Variants in GLI3 observed in about 807,000 individuals in gnomAD.
The protein encoded by GLI3 is GLI family zinc finger 3.
In GLI3, 20 loss-of-function variants were observed where a neutral mutation model predicts 100.8. That is an observed-to-expected ratio of 0.20 (90% CI 0.14 to 0.29). GLI3 has a LOEUF of 0.29. GLI3 is among the 10% of genes least tolerant of loss of function. The pLI is 1.00. For missense variants in GLI3, 2,040 were observed against 2,128.5 expected, an observed-to-expected ratio of 0.96 and a Z score of 0.82; for synonymous variants, 938 against 860.5, an observed-to-expected ratio of 1.09 and a Z score of -1.58.
At chr7:42,178,645 G>C (rs1787529518) in intron 2 of GLI3, among the ~76,000 whole-genome samples, 1 of 152,192 alleles carries the variant, frequency 6.6e-6, no homozygotes, top group Non-Finnish European at 1.5e-5. Context: ...CTAGTAGCTA[G>C]ACCCTGGTCT....
chr7:42,015,435 G>A (rs1337193185), intron 10 of GLI3, among the ~76,000 whole-genome samples: 1 of 151,938 alleles, frequency 6.6e-6, no homozygotes, highest in African/African-American at 2.4e-5. Context: ...GGTAGTATTT[G>A]GCTAATCCCA....
chr7:42,204,075 G>A (rs1244939722), intron 2 of GLI3, among the ~76,000 whole-genome samples: 5 of 151,796 alleles, frequency 3.3e-5, no homozygotes, highest in Admixed American at 1.3e-4. Flanking sequence ...CACTAGGGCC[G>A]AAGGGTAGTT....
intron 2 of GLI3, among the ~76,000 whole-genome samples, chr7:42,221,702 C>A (rs1413418206): frequency 6.6e-6 from 1 of 152,170 alleles, no homozygotes; most frequent in East Asian, 1.9e-4. Context: ...TATACTGATT[C>A]TATTTCTGAA....
chr7:42,171,379 A>G (rs1787369981), intron 2 of GLI3, among the ~76,000 whole-genome samples: 1 of 152,248 alleles, frequency 6.6e-6, no homozygotes, highest in African/African-American at 2.4e-5. Context: ...AGCAAATTAA[A>G]AAGAATTTCC....
chr7:42,081,670 T>C (rs1468519238), intron 3 of GLI3, among the ~76,000 whole-genome samples: 1 of 152,154 alleles, frequency 6.6e-6, no homozygotes, highest in Non-Finnish European at 1.5e-5. Context: ...AGTTGCATCC[T>C]TCTCCCAAGA....
intron 3 of GLI3, among the ~76,000 whole-genome samples, chr7:42,135,763 C>A (rs1000467030): frequency 3.3e-5 from 5 of 152,188 alleles, no homozygotes; most frequent in African/African-American, 1.2e-4. Context: ...GCTTAAGATT[C>A]TTTTAGTTTA....
At chr7:42,210,749 CTGT>C (rs540129068) in intron 2 of GLI3, among the ~76,000 whole-genome samples, 212 of 152,206 alleles carry the variant, frequency 1.4e-3, no homozygotes, top group African/African-American at 4.3e-3. Flanking sequence ...TCCTTACAAT[CTGT>C]TGTTGTTGAA....
chr7:42,067,678 C>G (rs1436627112), intron 4 of GLI3, among the ~76,000 whole-genome samples: 1 of 152,104 alleles, frequency 6.6e-6, no homozygotes, highest in Non-Finnish European at 1.5e-5. Context: ...GCTACCTAGG[C>G]CATACTAGAC....
intron 4 of GLI3, among the ~76,000 whole-genome samples, chr7:42,059,242 C>A (rs577221195): frequency 6.6e-6 from 1 of 152,014 alleles, no homozygotes; most frequent in South Asian, 2.1e-4. Flanking sequence ...ATTATTTTAG[C>A]AGACTTTTTT....
chr7:42,231,718 CT>C (rs1383511725), intron 1 of GLI3, among the ~76,000 whole-genome samples: 1 of 152,160 alleles, frequency 6.6e-6, no homozygotes. Flanking sequence ...CTGAATCATT[CT>C]TTTTAAAAAT....
intron 1 of GLI3, among the ~76,000 whole-genome samples, chr7:42,231,640 G>C (rs1453125531): frequency 6.6e-6 from 1 of 152,204 alleles, no homozygotes; most frequent in East Asian, 1.9e-4. Context: ...CCATACATCA[G>C]AGTCATTAAG....
At chr7:41,991,276 T>C (rs1227193130) in intron 10 of GLI3, among the ~76,000 whole-genome samples, 3 of 152,164 alleles carry the variant, frequency 2.0e-5, no homozygotes, top group African/African-American at 7.2e-5. Context: ...CCCCACATCA[T>C]AGAAAACTAG....
intron 6 of GLI3, among the ~76,000 whole-genome samples, chr7:42,043,799 G>T (rs993325254): frequency 6.6e-6 from 1 of 152,074 alleles, no homozygotes; most frequent in African/African-American, 2.4e-5. Context: ...AAGTAATGCG[G>T]GCTGACCTTC....
intron 5 of GLI3, among the ~76,000 whole-genome samples, chr7:42,047,196 T>G (rs1037100442): frequency 6.6e-6 from 1 of 152,238 alleles, no homozygotes; most frequent in African/African-American, 2.4e-5. Context: ...AGGGCAAAAC[T>G]TATTCTTTAG....
At chr7:41,997,325 A>C (rs1162607813) in intron 10 of GLI3, among the ~76,000 whole-genome samples, 1 of 152,104 alleles carries the variant, frequency 6.6e-6, no homozygotes, top group Non-Finnish European at 1.5e-5. Context: ...CAACACCCTT[A>C]AAAGTCACTA....
intron 1 of GLI3, among the ~76,000 whole-genome samples, chr7:42,260,261 C>T (rs1454822934): frequency 6.6e-6 from 1 of 152,176 alleles, no homozygotes; most frequent in Non-Finnish European, 1.5e-5. Context: ...CTAACAGAAT[C>T]AAGTCCATGA....
At chr7:42,045,568 G>A (rs1350965317) in intron 5 of GLI3, 38 bp from the exon 6 acceptor site, 52 of 1,606,512 alleles carry the variant, frequency 3.2e-5, no homozygotes, top group Non-Finnish European at 4.3e-5. Context: ...ACTAGCGAAA[G>A]AAGGTCAACT....
intron 4 of GLI3, among the ~76,000 whole-genome samples, chr7:42,053,210 C>G (rs1206712373): frequency 6.6e-6 from 1 of 152,158 alleles, no homozygotes; most frequent in Admixed American, 6.5e-5. Context: ...TTGATTAGGC[C>G]AGTCTTGAAC....
intron 3 of GLI3, among the ~76,000 whole-genome samples, chr7:42,095,440 G>A (rs1181182997): frequency 6.6e-6 from 1 of 152,180 alleles, no homozygotes; most frequent in Non-Finnish European, 1.5e-5. Flanking sequence ...TGGTAACATG[G>A]AGAATGGGTT....
Sources: allele counts gnomAD v4.1 joint callset (sites outside exome capture counted in the v4.1 genomes callset), GRCh38; gene constraint gnomAD v4.1.1; transcripts MANE v1.5; gene names NCBI Gene and HGNC (gene_info 2026-07-23, HGNC 2026-07-21).